Variants in NUDCD3 observed in about 807,000 individuals in gnomAD.
NUDCD3 encodes NudC domain containing 3, also known as nudC domain-containing protein 3.
A neutral mutation model predicts 39.7 loss-of-function variants in NUDCD3; 13 were observed. That is an observed-to-expected ratio of 0.33 (90% CI 0.21 to 0.52). NUDCD3 has a LOEUF of 0.52. Among genes scored for constraint, NUDCD3 ranks in the 20% least tolerant of loss-of-function variants. NUDCD3 has a pLI of 0.96. For synonymous variants in NUDCD3, 175 were observed against 172.4 expected, an observed-to-expected ratio of 1.02 and a Z score of -0.12; for missense variants, 453 against 458.1, an observed-to-expected ratio of 0.99 and a Z score of 0.10.
chr7:44,443,698 C>G (rs145824572), intron 2 of NUDCD3, among the ~76,000 whole-genome samples: 108 of 152,284 alleles, frequency 7.1e-4, no homozygotes, highest in African/African-American at 2.2e-3. Context: ...CAGGCGTGAC[C>G]CACAGTGCCT....
At chr7:44,427,728 C>A (rs1281097295) in intron 2 of NUDCD3, 25 bp from the exon 3 acceptor site, 1 of 1,610,920 alleles carries the variant, frequency 6.2e-7, no homozygotes, top group East Asian at 2.2e-5. Flanking sequence ...AAAATGTGAT[C>A]CCAGTCAGCC....
At chr7:44,461,007 A>G (rs1799998579) in intron 2 of NUDCD3, among the ~76,000 whole-genome samples, 1 of 152,232 alleles carries the variant, frequency 6.6e-6, no homozygotes, top group Non-Finnish European at 1.5e-5. Context: ...AGGTAGTCCT[A>G]GACAACAGGC....
At chr7:44,387,550 G>C (rs9648536) in intron 5 of NUDCD3, among the ~76,000 whole-genome samples, 1 of 152,076 alleles carries the variant, frequency 6.6e-6, no homozygotes, top group African/African-American at 2.4e-5. Flanking sequence ...CAAAACACAA[G>C]AATGGATGAC....
chr7:44,473,952 T>G (rs1361526326), intron 2 of NUDCD3, among the ~76,000 whole-genome samples: 3 of 152,208 alleles, frequency 2.0e-5, no homozygotes, highest in African/African-American at 7.2e-5. Flanking sequence ...TTCTTTTAAT[T>G]AGGACACTAT....
chr7:44,480,569 G>A (rs751110166), intron 2 of NUDCD3, among the ~76,000 whole-genome samples: 4 of 152,028 alleles, frequency 2.6e-5, no homozygotes, highest in East Asian at 1.9e-4. Flanking sequence ...GTCAGCCCTC[G>A]CTATCCATGG....
At chr7:44,472,337 G>A (rs1199407892) in intron 2 of NUDCD3, among the ~76,000 whole-genome samples, 1 of 152,200 alleles carries the variant, frequency 6.6e-6, no homozygotes, top group Non-Finnish European at 1.5e-5. Flanking sequence ...AAACCAGTAA[G>A]AGAATTCGAT....
At chr7:44,423,480 C>T (rs1415970578) in intron 3 of NUDCD3, among the ~76,000 whole-genome samples, 1 of 152,106 alleles carries the variant, frequency 6.6e-6, no homozygotes, top group Non-Finnish European at 1.5e-5. Flanking sequence ...AAATCACAAG[C>T]AATCCTATAT....
At chr7:44,436,552 T>A (rs1297388831) in intron 2 of NUDCD3, among the ~76,000 whole-genome samples, 29 of 152,318 alleles carry the variant, frequency 1.9e-4, no homozygotes, top group Admixed American at 1.6e-3. Context: ...GCAAAGTGGG[T>A]CATGCTACAG....
chr7:44,432,071 C>T lies in NUDCD3; in HGVS notation c.510-4368G>A, dbSNP rs550025740. Among the ~76,000 whole-genome samples the T allele has an allele frequency of 1.4e-4, 21 of 152,228 alleles. No individual in the cohort carries two copies. In the South Asian group the frequency reaches 3.5e-3, roughly 26 times the overall value. Reference sequence around the variant, plus strand: ...GCCAAAACAGGAGGATTACTTGAGGCCAGGAGTTTGAGACCAGTCTGGGCA... The same window carrying T: ...GCCAAAACAGGAGGATTACTTGAGGTCAGGAGTTTGAGACCAGTCTGGGCA... On this transcript the variant is annotated intron_variant, in intron 2 of 5. Transcript: ENST00000355451.
intron 1 of NUDCD3, among the ~76,000 whole-genome samples, chr7:44,488,175 A>C (rs1466420086): frequency 6.6e-6 from 1 of 151,388 alleles, no homozygotes; most frequent in Non-Finnish European, 1.5e-5. Context: ...TCTCTACTAA[A>C]AATACAAAAA....
intron 3 of NUDCD3, among the ~76,000 whole-genome samples, chr7:44,424,951 A>G (rs1585069668): frequency 6.6e-6 from 1 of 152,374 alleles, no homozygotes; most frequent in East Asian, 1.9e-4. Context: ...ACCACGGAAT[A>G]CTATGCAGCC....
chr7:44,442,892 A>C (rs940816345), intron 2 of NUDCD3, among the ~76,000 whole-genome samples: 1 of 151,960 alleles, frequency 6.6e-6, no homozygotes, highest in African/African-American at 2.4e-5. Flanking sequence ...TTAGTAGAGA[A>C]GGGGTTTCAC....
chr7:44,460,427 A>AT (rs1799983550), intron 2 of NUDCD3, among the ~76,000 whole-genome samples: 1 of 152,242 alleles, frequency 6.6e-6, no homozygotes, highest in African/African-American at 2.4e-5. Context: ...GAAGGAAAGC[A>AT]TATAAGGCCA....
At chr7:44,392,551 A>G (rs1798541608) in intron 4 of NUDCD3, 66 bp from the exon 5 acceptor site, 6 of 1,430,020 alleles carry the variant, frequency 4.2e-6, no homozygotes, top group Non-Finnish European at 5.8e-6. Flanking sequence ...CTGGGGACAG[A>G]GCAGAGCCCA....
intron 2 of NUDCD3, among the ~76,000 whole-genome samples, chr7:44,449,320 G>A (rs1310847442): frequency 6.6e-6 from 1 of 152,162 alleles, no homozygotes; most frequent in Non-Finnish European, 1.5e-5. Flanking sequence ...AATATCAGAG[G>A]AGATCAATAA....
chr7:44,396,087 TTGTGTGTGTG>T (rs10585173), intron 4 of NUDCD3, among the ~76,000 whole-genome samples: 49 of 145,012 alleles, frequency 3.4e-4, no homozygotes, highest in Middle Eastern at 3.5e-3. Context: ...TTATCTTCTG[TTGTGTGTGTG>T]TGTGTGTGTG....
intron 2 of NUDCD3, among the ~76,000 whole-genome samples, chr7:44,447,034 CT>C (rs1479853311): frequency 1.3e-5 from 2 of 152,232 alleles, no homozygotes; most frequent in Non-Finnish European, 2.9e-5. Flanking sequence ...TTTACTTGGG[CT>C]GCCAAGGAAA....
chr7:44,442,213 A>G (rs1309059980), intron 2 of NUDCD3, among the ~76,000 whole-genome samples: 1 of 152,234 alleles, frequency 6.6e-6, no homozygotes, highest in African/African-American at 2.4e-5. Context: ...ATCAAAGAGG[A>G]GAAGCTATCT....
At chr7:44,476,714 T>TG (rs909429308) in intron 2 of NUDCD3, among the ~76,000 whole-genome samples, 43 of 152,178 alleles carry the variant, frequency 2.8e-4, no homozygotes, top group Non-Finnish European at 5.7e-4. Context: ...CGGCATGCAC[T>TG]GGGGGGGTCA....
Sources: gnomAD v4.1 joint callset for allele counts (sites outside exome capture counted in the v4.1 genomes callset) on GRCh38, gnomAD v4.1.1 for gene constraint, MANE v1.5 for transcripts, NCBI Gene and HGNC (gene_info 2026-07-23, HGNC 2026-07-21) for gene names.